Variants in MTERF3 observed in about 807,000 individuals in gnomAD.
MTERF3 encodes the protein transcription termination factor 3, mitochondrial.
A neutral mutation model predicts 40.5 loss-of-function variants in MTERF3; 40 were observed. The observed-to-expected ratio is 0.99, with a 90% CI of 0.77 to 1.29. MTERF3 has a LOEUF of 1.29. Among genes scored for constraint, MTERF3 ranks in the 50% most tolerant of loss-of-function variants. The pLI, the probability that MTERF3 is intolerant of heterozygous loss-of-function variation, is 0.00. For missense variants in MTERF3, 452 were observed against 478.2 expected (o/e 0.95, Z 0.51); for synonymous variants, 158 against 166.6 (o/e 0.95, Z 0.40).
intron 4 of MTERF3, among the ~76,000 whole-genome samples, chr8:96,248,615 G>GT (rs981402915): frequency 2.0e-5 from 3 of 152,046 alleles, no homozygotes; most frequent in East Asian, 3.8e-4. Context: ...GGTATTACTT[G>GT]TTTTTTTGGC....
intron 3 of MTERF3, among the ~76,000 whole-genome samples, chr8:96,256,316 G>A (rs1810278502): frequency 6.6e-6 from 1 of 152,112 alleles, no homozygotes; most frequent in Admixed American, 6.6e-5. Flanking sequence ...TCGGGGTAGT[G>A]TGACAAGCAG....
rs754501176 is a variant in MTERF3, at chr8:96,245,938, T to C, written c.826-7A>G. The C allele has an allele frequency of 1.2e-5, 19 of 1,612,974 alleles. No individual in the cohort carries two copies. The highest frequency in any genetic ancestry group is 2.2e-5 in the South Asian group (2 of 90,854). On this transcript the variant is annotated splice_polypyrimidine_tract_variant and splice_region_variant and intron_variant, in intron 5 of 7. Transcript: ENST00000287025. ...GAACTACCAGATCTCTAGTCTGTGG[T>C]TGCAAACAAAACAATCTAGTATTAC...
chr8:96,251,479 T>C (rs1225694896), intron 3 of MTERF3, among the ~76,000 whole-genome samples: 1 of 152,238 alleles, frequency 6.6e-6, no homozygotes, highest in Non-Finnish European at 1.5e-5. Context: ...AATAAAATGT[T>C]ACCTTCTTTG....
intron 4 of MTERF3, among the ~76,000 whole-genome samples, chr8:96,249,170 T>A (rs930023462): frequency 3.3e-5 from 5 of 152,222 alleles, no homozygotes; most frequent in African/African-American, 1.2e-4. Context: ...ACCCTGGAGT[T>A]TGATTAACTG....
chr8:96,260,737 A>G (rs1310993525), intron 1 of MTERF3, among the ~76,000 whole-genome samples: 5 of 152,230 alleles, frequency 3.3e-5, no homozygotes, highest in African/African-American at 1.2e-4. Context: ...CAAGTGCACT[A>G]TCTTCTCCAC....
intron 7 of MTERF3, among the ~76,000 whole-genome samples, chr8:96,240,205 G>A (rs1219451707): frequency 2.7e-5 from 4 of 149,884 alleles, no homozygotes; most frequent in East Asian, 2.0e-4. Flanking sequence ...CCGAGATCGC[G>A]CCACTGCACT....
chr8:96,255,545 A>G (rs1330520227), intron 3 of MTERF3, among the ~76,000 whole-genome samples: 1 of 151,524 alleles, frequency 6.6e-6, no homozygotes, highest in Non-Finnish European at 1.5e-5. Context: ...AGGCTGAGGC[A>G]GGAGAATCAC....
intron 4 of MTERF3, among the ~76,000 whole-genome samples, chr8:96,249,431 A>G (rs761855996): frequency 6.6e-6 from 1 of 152,194 alleles, no homozygotes; most frequent in Non-Finnish European, 1.5e-5. Flanking sequence ...GATATGTCAG[A>G]TGAGTTTCTT....
At chr8:96,255,942 T>C (rs940290672) in intron 3 of MTERF3, among the ~76,000 whole-genome samples, 16 of 152,044 alleles carry the variant, frequency 1.1e-4, no homozygotes, top group Non-Finnish European at 2.1e-4. Context: ...GTCTCCAAAA[T>C]TGGAGTCCCT....
At position 96,253,400 on chromosome 8, in the gene MTERF3, A is replaced by T. The variant is rs146591838; in HGVS notation, c.488-2305T>A. Among the ~76,000 whole-genome samples, 1,332 of 152,024 alleles carry T rather than the reference A, an allele frequency of 8.8e-3. 17 individuals carry two copies. Among genetic ancestry groups the T allele is most frequent in the Non-Finnish European group, 0.013 (897 of 67,976 alleles). On this transcript the variant is annotated intron_variant, in intron 3 of 7. Coordinates refer to ENST00000287025, the MANE Select transcript of MTERF3 (RefSeq NM_015942.5). Reference sequence around the variant, plus strand: ...GGAACGGGAAAAATATCCCCACCTGACCCTTCTACCTTCTGTCCTGTAGGT... The same window carrying T: ...GGAACGGGAAAAATATCCCCACCTGTCCCTTCTACCTTCTGTCCTGTAGGT...
Position 96,239,414 on chromosome 8 carries a change from C to G in MTERF3, c.*77G>C. ...ATGGTTTCCAATATCAGTTGAGACC[C>G]GAGGCATTTAAAAATATATTCATTT... On this transcript the variant is annotated 3_prime_UTR_variant, in exon 8 of 8. Transcript: ENST00000287025. 2 of 1,159,112 alleles carry G rather than the reference C, an allele frequency of 1.7e-6. No individual in the cohort carries two copies. The highest frequency in any genetic ancestry group is 2.4e-6 in the Non-Finnish European group (2 of 844,830). The allele number at this position is 1,159,112 out of a possible 1,614,324, so 71.8% of individuals were successfully genotyped here.
chr8:96,259,129 T>G (rs1290407273), intron 1 of MTERF3, among the ~76,000 whole-genome samples: 1 of 152,222 alleles, frequency 6.6e-6, no homozygotes, highest in African/African-American at 2.4e-5. Flanking sequence ...ACATTGCTGA[T>G]CAAAGTAACA....
intron 3 of MTERF3, 114 bp from the exon 4 acceptor site, chr8:96,251,209 T>A: frequency 1.4e-6 from 1 of 723,866 alleles, no homozygotes; most frequent in Non-Finnish European, 2.1e-6. Flanking sequence ...AAAGGAGCAC[T>A]GAGATAGATC....
intron 7 of MTERF3, 76 bp from the exon 8 acceptor site, chr8:96,239,761 A>G: frequency 9.2e-7 from 1 of 1,092,254 alleles, no homozygotes; most frequent in Non-Finnish European, 1.3e-6. Context: ...CTTGGCAAAA[A>G]TTTTAATAGG....
Position 96,250,621 on chromosome 8 carries a change from AAGAAGAAGAAGAAGAAGAAGAAGAAGAAG to A in MTERF3, c.677+256_677+284del, listed in dbSNP as rs1563548611. Among the ~76,000 whole-genome samples, 72 of 13,614 alleles carry A rather than the reference AAGAAGAAGAAGAAGAAGAAGAAGAAGAAG, an allele frequency of 5.3e-3. 8 individuals are homozygous for A. Among genetic ancestry groups the A allele is most frequent in the African/African-American group, 0.011 (27 of 2,368 alleles). 8.9% of individuals were successfully genotyped at this position (13,614 alleles called of 152,430 possible). A position where few individuals can be genotyped will look rare whatever the true frequency, so the allele number is the denominator to read the frequency against. On this transcript the variant is annotated intron_variant, in intron 4 of 7. Transcript: ENST00000287025. ...GCTACTTGGGAGGCTGAGGCAGAAG[AAGAAGAAGAAGAAGAAGAAGAAGAAGAAG>A]AAGAAGAAGAAGAAGAAGAAGAAGA...
In MTERF3 at chr8:96,239,403, C is replaced by T. The variant is rs985914336; in HGVS notation, c.*88G>A. ...TACAGTATCAAATGGTTTCCAATAT[C>T]AGTTGAGACCCGAGGCATTTAAAAA... On this transcript the variant is annotated 3_prime_UTR_variant, in exon 8 of 8. Coordinates refer to ENST00000287025, the MANE Select transcript of MTERF3 (RefSeq NM_015942.5). 4.9e-6 allele frequency: 5 copies of T among 1,030,230 alleles called. No homozygotes were observed. Among genetic ancestry groups the T allele is most frequent in the Admixed American group, 3.4e-5 (1 of 29,668 alleles). The allele number at this position is 1,030,230 out of a possible 1,614,324, so 63.8% of individuals were successfully genotyped here.
chr8:96,244,690 G>A (rs1009503979), intron 6 of MTERF3, among the ~76,000 whole-genome samples: 2 of 152,148 alleles, frequency 1.3e-5, no homozygotes, highest in Admixed American at 6.5e-5. Flanking sequence ...GAGCCACCAC[G>A]CCTGACCATG....
intron 2 of MTERF3, 169 bp from the exon 3 acceptor site, chr8:96,257,283 C>G: frequency 1.8e-6 from 1 of 541,352 alleles, no homozygotes; most frequent in Non-Finnish European, 3.0e-6. Flanking sequence ...AAGGTTACAA[C>G]TATTTAGACA....
At chr8:96,259,401 G>T (rs544312347) in intron 1 of MTERF3, among the ~76,000 whole-genome samples, 2 of 23,314 alleles carry the variant, frequency 8.6e-5, no homozygotes, top group South Asian at 5.0e-3. Context: ...AAAAAGAAAA[G>T]GTCAAAACTA....
Sources: allele counts gnomAD v4.1 joint callset (sites outside exome capture counted in the v4.1 genomes callset), GRCh38; gene constraint gnomAD v4.1.1; transcripts MANE v1.5; gene names NCBI Gene and HGNC (gene_info 2026-07-23, HGNC 2026-07-21).